MPPE1: variants seen among roughly 807,000 people sequenced by gnomAD.
MPPE1 encodes the protein metallophosphoesterase 1.
A neutral mutation model predicts 43.8 loss-of-function variants in MPPE1; 28 were observed. The observed-to-expected ratio is 0.64, with a 90% CI of 0.47 to 0.88. MPPE1 has a LOEUF of 0.88. MPPE1 is among the 40% of genes least tolerant of loss of function. MPPE1 has a pLI of 0.00. For synonymous variants in MPPE1, 159 were observed against 188.5 expected (o/e 0.84, Z 1.28); for missense variants, 428 against 492.2 (o/e 0.87, Z 1.23).
chr18:11,893,839 A>C (rs1419001638), intron 3 of MPPE1, among the ~76,000 whole-genome samples: 1 of 152,128 alleles, frequency 6.6e-6, no homozygotes, highest in South Asian at 2.1e-4. Flanking sequence ...CCCACTCTGC[A>C]CCCTGCAGCC....
intron 3 of MPPE1, among the ~76,000 whole-genome samples, chr18:11,893,937 A>G (rs2038285006): frequency 6.6e-6 from 1 of 152,236 alleles, no homozygotes; most frequent in Admixed American, 6.5e-5. Context: ...TGTACCACAC[A>G]GAGGAGATTA....
At chr18:11,903,114 TC>T (rs1288295091) in intron 2 of MPPE1, among the ~76,000 whole-genome samples, 1 of 152,108 alleles carries the variant, frequency 6.6e-6, no homozygotes, top group Admixed American at 6.6e-5. Context: ...ACCAGGAATG[TC>T]AGGTGATCAC....
chr18:11,884,263 T>C lies in MPPE1; in HGVS notation c.*182A>G, dbSNP rs578044518. The stretch of plus-strand genomic sequence containing the variant: ...TTTGTTGTAGAGTACCTGTCCACTT[T>C]TATAGCATGAGAACAGTACAATCAA... On this transcript the variant is annotated 3_prime_UTR_variant, in exon 11 of 11. Coordinates refer to ENST00000588072, the MANE Select transcript of MPPE1 (RefSeq NM_023075.6). The C allele has an allele frequency of 8.3e-6, 5 of 605,660 alleles. No homozygotes were observed. Among genetic ancestry groups the C allele is most frequent in the East Asian group, 2.8e-5 (1 of 36,358 alleles). The allele number at this position is 605,660 out of a possible 1,614,324, so 37.5% of individuals were successfully genotyped here. A position where few individuals can be genotyped will look rare whatever the true frequency, so the allele number is the denominator to read the frequency against.
At position 11,893,521 on chromosome 18, in the gene MPPE1, C is replaced by T; in HGVS notation, c.337G>A (p.Val113Ile). The stretch of plus-strand genomic sequence containing the variant: ...AAGATATCCCCCAGGATGAAGACGA[C>T]TTCCGGCTGCAGCAACCACAGAGCT... Reference protein sequence around the residue: ...QTALWLLQPEVVFILGDIFDE... With the variant: ...QTALWLLQPEIVFILGDIFDE... Residue 113 changes from valine (V) to isoleucine (I), a missense_variant, in exon 4 of 11, where the codon GTC (valine) becomes ATC (isoleucine). By Grantham distance (29) the Val-to-Ile change is conservative. Transcript: ENST00000588072. 1 of 1,614,200 alleles carries T rather than the reference C, an allele frequency of 6.2e-7. No individual in the cohort carries two copies. The highest frequency in any genetic ancestry group is 8.5e-7 in the Non-Finnish European group (1 of 1,180,030).
chr18:11,893,253 T>A, intron 4 of MPPE1: 1 of 516,624 alleles, frequency 1.9e-6, no homozygotes, highest in Non-Finnish European at 3.4e-6. Context: ...ATGTTTACAA[T>A]TAGCCAACCT....
chr18:11,890,913 C>T (rs959014004), intron 4 of MPPE1, among the ~76,000 whole-genome samples: 1 of 152,090 alleles, frequency 6.6e-6, no homozygotes, highest in Non-Finnish European at 1.5e-5. Context: ...ACAAAAAATA[C>T]TTATTGTAAA....
chr18:11,884,950 G>A (rs1277055304), intron 10 of MPPE1: 6 of 1,289,334 alleles, frequency 4.7e-6, no homozygotes, highest in Non-Finnish European at 5.0e-6. Flanking sequence ...GAGATTCAGA[G>A]AGGCACCGTG....
chr18:11,885,025 T>C, intron 10 of MPPE1: 1 of 1,296,454 alleles, frequency 7.7e-7, no homozygotes, highest in Non-Finnish European at 1.0e-6. Flanking sequence ...CCCTTGATGC[T>C]CAACTAAGCA....
At chr18:11,894,887 G>A (rs1172247422) in intron 3 of MPPE1, among the ~76,000 whole-genome samples, 9 of 152,042 alleles carry the variant, frequency 5.9e-5, no homozygotes, top group African/African-American at 1.7e-4. Flanking sequence ...CACCACACCC[G>A]GCCGGCCGGT....
rs1032582616 is a variant in MPPE1, at chr18:11,899,982, C to T, written c.-92-2626G>A. Among the ~76,000 whole-genome samples the T allele has an allele frequency of 3.9e-5, 6 of 152,058 alleles. No homozygotes were observed. In the East Asian group the frequency reaches 5.8e-4, roughly 15 times the overall value. ...ATCCCAGCAGTTTGGGAGGCCGAGG[C>T]GGGTGGATCACCTGACATCAGGAGT... is the stretch of plus-strand genomic sequence containing the variant. On this transcript the variant is annotated intron_variant, in intron 2 of 10. Coordinates refer to ENST00000588072, the MANE Select transcript of MPPE1 (RefSeq NM_023075.6).
intron 2 of MPPE1, among the ~76,000 whole-genome samples, chr18:11,898,658 A>G (rs778132273): frequency 7.2e-5 from 11 of 152,022 alleles, no homozygotes; most frequent in Admixed American, 2.0e-4. Context: ...CAACTGATTT[A>G]CCCTACCTGA....
chr18:11,885,878 C>T lies in MPPE1; in HGVS notation c.868-62G>A, dbSNP rs780934025. ...AGCTCATCCTCAACCAGGCTCTCAC[C>T]GCTCAGCAGACGGCCGCTGGCCATC... is the stretch of plus-strand genomic sequence containing the variant. On this transcript the variant is annotated intron_variant, in intron 9 of 10. Transcript: ENST00000588072. The T allele has an allele frequency of 6.0e-6, 9 of 1,489,608 alleles. No individual in the cohort carries two copies. In the Middle Eastern group the frequency reaches 5.3e-4, roughly 88 times the overall value. The allele number at this position is 1,489,608 out of a possible 1,614,324, so 92.3% of individuals were successfully genotyped here.
chr18:11,897,004 G>A lies in MPPE1; in HGVS notation c.261C>T (p.His87=), dbSNP rs141227932. Residue 87 remains histidine (H), a synonymous_variant, in exon 3 of 11, where the codon CAC becomes CAT. Transcript: ENST00000588072. ...CTTACCTTCGTAATTTGTCCAGCCA[G>A]TGGCCTAGGAATTCCCCAAGCAAAT... ...DTHLLGEFLG[H]WLDKLRREWQ... 2.7e-5 allele frequency: 43 copies of A among 1,595,710 alleles called. No individual in the cohort carries two copies. Among genetic ancestry groups the A allele is most frequent in the Non-Finnish European group, 3.5e-5 (41 of 1,172,512 alleles).
At chr18:11,885,596 T>G (rs1004795748) in intron 10 of MPPE1, 80 bp downstream of exon 10, 1 of 1,505,804 alleles carries the variant, frequency 6.6e-7, no homozygotes, top group Non-Finnish European at 9.1e-7. Context: ...TTTGACCGAT[T>G]GCAGCAATTA....
chr18:11,889,402 A>C lies in MPPE1; in HGVS notation c.479T>G (p.Ile160Ser). ...QLKVVAGNHD[I>S]GFHYEMNTYK... is the part of the protein sequence containing the mutation. The stretch of plus-strand genomic sequence containing the variant: ...AACTACTTACTCATAATGGAAGCCA[A>C]TGTCATGGTTTCCAGCAACTACCTT... The change falls in exon 5 of 11, where the codon ATT becomes AGT. Residue 160 changes from isoleucine (I) to serine (S), a missense_variant. By Grantham distance (142) the Ile-to-Ser change is moderately radical. Around this residue, in one of 3 missense-constraint regions of MPPE1, gnomAD observed 379 missense variants for 402.5 expected, o/e 0.94. Coordinates refer to ENST00000588072, the MANE Select transcript of MPPE1 (RefSeq NM_023075.6). 6.2e-7 allele frequency: 1 copy of C among 1,610,842 alleles called. No homozygotes were observed. The highest frequency in any genetic ancestry group is 8.5e-7 in the Non-Finnish European group (1 of 1,177,672).
chr18:11,894,589 TTTTA>T (rs2038384662), intron 3 of MPPE1, among the ~76,000 whole-genome samples: 1 of 152,144 alleles, frequency 6.6e-6, no homozygotes, highest in Non-Finnish European at 1.5e-5. Flanking sequence ...TTTTATTTTA[TTTTA>T]TTTATTTATT....
chr18:11,888,680 C>G lies in MPPE1; in HGVS notation c.558G>C (p.Trp186Cys). The G allele has an allele frequency of 6.3e-7, 1 of 1,597,968 alleles. No homozygotes were observed. The highest frequency in any genetic ancestry group is 8.5e-7 in the Non-Finnish European group (1 of 1,172,616). The change falls in exon 6 of 11, where the codon TGG (tryptophan) becomes TGC (cysteine). Residue 186 changes from tryptophan (W) to cysteine (C), a missense_variant. Coordinates refer to ENST00000588072, the MANE Select transcript of MPPE1 (RefSeq NM_023075.6). ...KVFSSERLFSWKGINFVMVNS... is the reference protein window; with the variant it reads ...KVFSSERLFSCKGINFVMVNS... ...CAAATAATACTCACTTAATGCCTTT[C>G]CAAGAAAACAGTCTTTCAGAGCTGA... is the stretch of plus-strand genomic sequence containing the variant.
intron 2 of MPPE1, among the ~76,000 whole-genome samples, chr18:11,900,909 TAA>T (rs559247706): frequency 2.1e-4 from 26 of 126,112 alleles, no homozygotes; most frequent in Admixed American, 5.7e-4. Flanking sequence ...TCCGTCTCAT[TAA>T]AAAAAAAAAA....
chr18:11,889,354 T>C, intron 5 of MPPE1, 33 bp downstream of exon 5: 1 of 1,331,352 alleles, frequency 7.5e-7, no homozygotes, highest in Non-Finnish European at 1.1e-6. Flanking sequence ...TAACAAGAGC[T>C]CTCAGGGTGC....
Sources: allele counts gnomAD v4.1 joint callset (sites outside exome capture counted in the v4.1 genomes callset), GRCh38; gene constraint gnomAD v4.1.1; regional missense constraint gnomAD v4.1.1; transcripts MANE v1.5; gene names NCBI Gene and HGNC (gene_info 2026-07-23, HGNC 2026-07-21).